Variants in THADA observed in about 807,000 individuals in gnomAD.
THADA encodes tRNA (32-2'-O)-methyltransferase regulator THADA.
In THADA, 213 loss-of-function variants were observed where a neutral mutation model predicts 219.8. That is an observed-to-expected ratio of 0.97 (90% CI 0.87 to 1.09). THADA has a LOEUF of 1.09. THADA is among the 50% of genes least tolerant of loss of function. The pLI, the probability that THADA is intolerant of heterozygous loss-of-function variation, is 0.00. For synonymous variants in THADA, 1,018 were observed against 828.9 expected (o/e 1.23, Z -3.92); for missense variants, 2,956 against 2,311.3 (o/e 1.28, Z -5.72).
chr2:43,587,318 G>A (rs1378342541), intron 4 of THADA, among the ~76,000 whole-genome samples: 1 of 152,180 alleles, frequency 6.6e-6, no homozygotes, highest in Non-Finnish European at 1.5e-5. Flanking sequence ...ACTAGTTGAA[G>A]TGTTTACAGT....
chr2:43,337,573 T>TG, intron 30 of THADA, among the ~76,000 whole-genome samples: 1 of 152,296 alleles, frequency 6.6e-6, no homozygotes, highest in African/African-American at 2.4e-5. Flanking sequence ...GGTAGGCAGA[T>TG]GGACTTTTTT....
intron 29 of THADA, among the ~76,000 whole-genome samples, chr2:43,371,688 T>C (rs1413745171): frequency 6.6e-6 from 1 of 152,218 alleles, no homozygotes; most frequent in Non-Finnish European, 1.5e-5. Context: ...CATCAACTCC[T>C]TGGCAAACAA....
chr2:43,408,207 G>C (rs1675822791), intron 28 of THADA: 1 of 152,184 alleles, frequency 6.6e-6, no homozygotes, highest in Non-Finnish European at 1.5e-5. Context: ...ACTGCGACAG[G>C]TTCCACAAAT....
Position 43,398,066 on chromosome 2 carries a change from G to T in THADA, c.4132C>A (p.His1378Asn). ...AGAGTTCGAATGGTATTAGGAATGT[G>T]ATCTATCATAACAAATGGGACCAAG... ...RALVPFVMID[H>N]IPNTIRTLLS... Residue 1378 changes from histidine (H) to asparagine (N), a missense_variant, in exon 29 of 38, where the codon CAC (histidine) becomes AAC (asparagine). By Grantham distance (68) the His-to-Asn change is moderately conservative. Coordinates refer to ENST00000405975, the MANE Select transcript of THADA (RefSeq NM_022065.5). 2 of 1,613,984 alleles carry T rather than the reference G, an allele frequency of 1.2e-6. No individual in the cohort carries two copies. Among genetic ancestry groups the T allele is most frequent in the Non-Finnish European group, 8.5e-7 (1 of 1,179,866 alleles).
Position 43,292,974 on chromosome 2 carries a change from T to C in THADA, c.4678A>G (p.Thr1560Ala), listed in dbSNP as rs1674916522. ...ESAFPEVRSL[T>A]LEALLEKFLA... The stretch of plus-strand genomic sequence containing the variant: ...AACTTTTCCAAGAGGGCTTCCAGTG[T>C]TAGTGAGCGCACTTCAGGGAAGGCA... Residue 1560 changes from threonine to alanine, a missense_variant, in exon 32 of 38, where the codon ACA becomes GCA. Transcript: ENST00000405975. 1 of 1,614,000 alleles carries C rather than the reference T, an allele frequency of 6.2e-7. No homozygotes were observed. The highest frequency in any genetic ancestry group is 8.5e-7 in the Non-Finnish European group (1 of 1,179,896).
chr2:43,565,986 G>C (rs895049778), intron 15 of THADA: 2 of 153,546 alleles, frequency 1.3e-5, no homozygotes, highest in African/African-American at 4.9e-5. Context: ...TACTCGGGAG[G>C]CTGAGGCAGG....
intron 36 of THADA, among the ~76,000 whole-genome samples, chr2:43,240,601 G>A (rs1035588996): frequency 1.3e-5 from 2 of 152,142 alleles, no homozygotes; most frequent in Non-Finnish European, 2.9e-5. Context: ...TGGGATTCCA[G>A]GTGGGGCACT....
rs1271759207 is a variant in THADA at position 43,394,956 on chromosome 2, C to A, written c.4227+3015G>T. ...GGGTTCTAGGGTTTTAACCTTTCCA[C>A]AGGATTTCACATTTTATCTAGCAGA... On this transcript the variant is annotated intron_variant, in intron 29 of 37. Transcript: ENST00000405975. Among the ~76,000 whole-genome samples the A allele has an allele frequency of 1.3e-5, 2 of 152,210 alleles. 1 individual carries two copies. Among genetic ancestry groups the A allele is most frequent in the South Asian group, 4.1e-4 (2 of 4,832 alleles).
intron 26 of THADA, among the ~76,000 whole-genome samples, chr2:43,442,841 A>G (rs2104865662): frequency 6.6e-6 from 1 of 152,068 alleles, no homozygotes; most frequent in East Asian, 1.9e-4. Flanking sequence ...TGCTCTCTCT[A>G]CCCTCTAGAT....
chr2:43,521,120 T>TAGGGAAGGG (rs1692405628), intron 22 of THADA, among the ~76,000 whole-genome samples: 3 of 59,748 alleles, frequency 5.0e-5, no homozygotes, highest in Admixed American at 2.6e-4. Context: ...GGAGGGAAGG[T>TAGGGAAGGG]AGGGAAGGGA....
intron 27 of THADA, among the ~76,000 whole-genome samples, chr2:43,428,595 A>T (rs964349377): frequency 6.6e-6 from 1 of 152,058 alleles, no homozygotes; most frequent in Non-Finnish European, 1.5e-5. Context: ...ACACAGTGAG[A>T]CTCCATTTCA....
intron 26 of THADA, among the ~76,000 whole-genome samples, chr2:43,478,620 G>T (rs946677262): frequency 6.6e-6 from 1 of 152,178 alleles, no homozygotes; most frequent in African/African-American, 2.4e-5. Context: ...GAGGATACAT[G>T]CATTGCCAAA....
chr2:43,521,102 GAGGGAAGGGAGGGAAGGT>G (rs1164437919), intron 22 of THADA, among the ~76,000 whole-genome samples: 1,343 of 127,710 alleles, frequency 0.011, 22 homozygotes, highest in African/African-American at 0.029. Context: ...GGAGGAAAGA[GAGGGAAGGGAGGGAAGGT>G]AGGGAAGGGA....
chr2:43,586,769 T>A (rs752101877), intron 5 of THADA, 35 bp from the exon 6 acceptor site: 1 of 1,610,970 alleles, frequency 6.2e-7, no homozygotes, highest in South Asian at 1.1e-5. Flanking sequence ...GTAAGGAGTT[T>A]CACGACCAAA....
At chr2:43,501,655 G>T (rs1688992157) in intron 24 of THADA, among the ~76,000 whole-genome samples, 1 of 152,028 alleles carries the variant, frequency 6.6e-6, no homozygotes, top group Non-Finnish European at 1.5e-5. Context: ...TTAAACTAGT[G>T]GTTTTAGGCC....
At chr2:43,258,669 C>T (rs935587242) in intron 36 of THADA, among the ~76,000 whole-genome samples, 5 of 152,166 alleles carry the variant, frequency 3.3e-5, no homozygotes, top group South Asian at 2.1e-4. Context: ...ACCTCAATGA[C>T]CAGGCCAATA....
intron 7 of THADA, among the ~76,000 whole-genome samples, chr2:43,585,577 T>A (rs4952992): frequency 0.19 from 25,828 of 134,020 alleles, 2,389 homozygotes; most frequent in African/African-American, 0.23. Flanking sequence ...GATAGATAGA[T>A]AGAAAGAAAT....
At chr2:43,267,813 G>A (rs548984567) in intron 36 of THADA, among the ~76,000 whole-genome samples, 8 of 152,304 alleles carry the variant, frequency 5.3e-5, no homozygotes, top group Admixed American at 2.6e-4. Flanking sequence ...GAAAAAATAA[G>A]CTACTGACTT....
At chr2:43,400,651 G>A (rs1321642064) in intron 28 of THADA, among the ~76,000 whole-genome samples, 1 of 151,966 alleles carries the variant, frequency 6.6e-6, no homozygotes, top group Non-Finnish European at 1.5e-5. Flanking sequence ...ACAAGTCACA[G>A]TAACCTCTCT....
Sources: allele counts gnomAD v4.1 joint callset (sites outside exome capture counted in the v4.1 genomes callset), GRCh38; gene constraint gnomAD v4.1.1; transcripts MANE v1.5; gene names NCBI Gene and HGNC (gene_info 2026-07-23, HGNC 2026-07-21).